PDSS2: variants seen among roughly 807,000 people sequenced by gnomAD.
The protein encoded by PDSS2 is decaprenyl diphosphate synthase subunit 2, also known as all trans-polyprenyl-diphosphate synthase PDSS2.
In PDSS2, 31 loss-of-function variants were observed where a neutral mutation model predicts 44.5. That is an observed-to-expected ratio of 0.70 (90% CI 0.52 to 0.94). The LOEUF is 0.94. PDSS2 is among the 40% of genes least tolerant of loss of function. The pLI is 0.00. For synonymous variants in PDSS2, 157 were observed against 180.3 expected, an observed-to-expected ratio of 0.87 and a Z score of 1.03; for missense variants, 452 against 482.2, an observed-to-expected ratio of 0.94 and a Z score of 0.59.
chr6:107,283,238 G>C (rs1776029022), intron 2 of PDSS2, among the ~76,000 whole-genome samples: 1 of 150,402 alleles, frequency 6.6e-6, no homozygotes, highest in East Asian at 2.0e-4. Flanking sequence ...AGGCAGGAGG[G>C]TTGCTTGAGC....
chr6:107,218,823 C>T (rs1366155651), intron 4 of PDSS2, among the ~76,000 whole-genome samples: 3 of 152,078 alleles, frequency 2.0e-5, no homozygotes, highest in Admixed American at 1.3e-4. Context: ...TTTGGGAGGC[C>T]AAGGCGGCCG....
chr6:107,311,095 T>C (rs1423994258), intron 2 of PDSS2, among the ~76,000 whole-genome samples: 50 of 151,852 alleles, frequency 3.3e-4, no homozygotes, highest in Non-Finnish European at 1.5e-4. Flanking sequence ...TTTTTGTATT[T>C]TTAGTAGAGA....
intron 2 of PDSS2, among the ~76,000 whole-genome samples, chr6:107,333,401 A>T (rs1220069438): frequency 6.6e-6 from 1 of 152,210 alleles, no homozygotes; most frequent in African/African-American, 2.4e-5. Context: ...AAAATGAGTA[A>T]TACATACTTA....
chr6:107,242,218 C>T (rs1411920438), intron 4 of PDSS2, among the ~76,000 whole-genome samples: 1 of 152,176 alleles, frequency 6.6e-6, no homozygotes, highest in Non-Finnish European at 1.5e-5. Flanking sequence ...CCCACTACTA[C>T]AGTTCAACTA....
At chr6:107,386,217 T>C (rs1312874114) in intron 1 of PDSS2, among the ~76,000 whole-genome samples, 1 of 152,122 alleles carries the variant, frequency 6.6e-6, no homozygotes, top group African/African-American at 2.4e-5. Context: ...CTGAAAAAAA[T>C]GATCCACTTT....
chr6:107,293,719 T>C (rs1776420402), intron 2 of PDSS2, among the ~76,000 whole-genome samples: 1 of 152,078 alleles, frequency 6.6e-6, no homozygotes, highest in Admixed American at 6.6e-5. Context: ...GAGAGTAAAC[T>C]AGAAAATGCT....
At chr6:107,409,352 A>G (rs1032809694) in intron 1 of PDSS2, among the ~76,000 whole-genome samples, 1 of 152,120 alleles carries the variant, frequency 6.6e-6, no homozygotes, top group African/African-American at 2.4e-5. Context: ...CCAAATTCCA[A>G]TCGAAAATCT....
intron 2 of PDSS2, among the ~76,000 whole-genome samples, chr6:107,299,146 C>CCAAA (rs755359087): frequency 1.7e-4 from 9 of 53,486 alleles, no homozygotes; most frequent in African/African-American, 7.5e-4. Context: ...GACCCTGTCT[C>CCAAA]AAAAAAAAAA....
At chr6:107,406,147 C>A (rs1036561373) in intron 1 of PDSS2, among the ~76,000 whole-genome samples, 1 of 152,154 alleles carries the variant, frequency 6.6e-6, no homozygotes, top group Non-Finnish European at 1.5e-5. Flanking sequence ...TCCCACCTCT[C>A]TTCTATTAAT....
intron 1 of PDSS2, among the ~76,000 whole-genome samples, chr6:107,385,520 T>C (rs965969924): frequency 7.2e-5 from 11 of 152,220 alleles, no homozygotes; most frequent in African/African-American, 2.7e-4. Context: ...CAATCTTTCA[T>C]GGATAAATCA....
intron 1 of PDSS2, among the ~76,000 whole-genome samples, chr6:107,454,379 A>G (rs1357021793): frequency 1.3e-5 from 2 of 152,126 alleles, no homozygotes; most frequent in African/African-American, 4.8e-5. Flanking sequence ...ATAAGTTTCA[A>G]TAAACATTTA....
intron 6 of PDSS2, among the ~76,000 whole-genome samples, chr6:107,201,574 A>G (rs1422077569): frequency 1.3e-5 from 2 of 152,156 alleles, no homozygotes; most frequent in African/African-American, 4.8e-5. Flanking sequence ...TAAGTCAGGT[A>G]ACAAAGAAGG....
chr6:107,212,424 A>C (rs1225378155), intron 4 of PDSS2, 142 bp from the exon 5 acceptor site: 1 of 656,774 alleles, frequency 1.5e-6, no homozygotes, highest in African/African-American at 1.8e-5. Flanking sequence ...AAAGATGCCT[A>C]ACCTCAGCTC....
At chr6:107,255,851 A>G (rs1775001863) in intron 3 of PDSS2, among the ~76,000 whole-genome samples, 1 of 152,204 alleles carries the variant, frequency 6.6e-6, no homozygotes, top group South Asian at 2.1e-4. Context: ...ACTTTTTACC[A>G]AAAACATGTA....
chr6:107,314,691 C>A (rs539996937), intron 2 of PDSS2, among the ~76,000 whole-genome samples: 4 of 152,202 alleles, frequency 2.6e-5, no homozygotes, highest in Non-Finnish European at 5.9e-5. Context: ...GATCTGCCCC[C>A]ACAAGCACAG....
chr6:107,193,820 AC>A lies in PDSS2; in HGVS notation c.1041+1del. The A allele has an allele frequency of 6.5e-7, 1 of 1,542,262 alleles. No homozygotes were observed. Among genetic ancestry groups the A allele is most frequent in the South Asian group, 1.1e-5 (1 of 89,612 alleles). ...AGTACAGTATGTATAAAATCTGCCT[AC>A]CTTAGCATAGTCCAATCTTCCTTTT... On this transcript the variant is annotated splice_donor_variant, in intron 7 of 7. Transcript: ENST00000369037. LOFTEE classifies it high-confidence loss of function.
At chr6:107,250,783 G>A (rs563675987) in intron 3 of PDSS2, among the ~76,000 whole-genome samples, 2 of 152,292 alleles carry the variant, frequency 1.3e-5, no homozygotes, top group South Asian at 2.1e-4. Context: ...CAACAGAGTC[G>A]TAGATGTTTG....
chr6:107,416,912 A>G (rs1780678869), intron 1 of PDSS2, among the ~76,000 whole-genome samples: 1 of 152,080 alleles, frequency 6.6e-6, no homozygotes, highest in Non-Finnish European at 1.5e-5. Context: ...GTCAACATGT[A>G]AATTTAAAAA....
chr6:107,428,604 G>A (rs979262273), intron 1 of PDSS2, among the ~76,000 whole-genome samples: 19 of 152,184 alleles, frequency 1.2e-4, no homozygotes, highest in Non-Finnish European at 2.5e-4. Context: ...GAGGCAGGAA[G>A]ATCACTTGAA....
Sources: allele counts gnomAD v4.1 joint callset (sites outside exome capture counted in the v4.1 genomes callset), GRCh38; gene constraint gnomAD v4.1.1; transcripts MANE v1.5; gene names NCBI Gene and HGNC (gene_info 2026-07-23, HGNC 2026-07-21).